Variants in ANKRD33B observed in about 807,000 individuals in gnomAD.
ANKRD33B encodes the protein ankyrin repeat domain 33B.
A neutral mutation model predicts 21.5 loss-of-function variants in ANKRD33B; 6 were observed. The ratio of observed to expected loss-of-function variants is 0.28; its 90% confidence interval spans 0.15 to 0.55. The LOEUF (loss-of-function observed/expected upper bound fraction) is 0.55, where lower values mean the gene tolerates loss of function less well. Ranked by LOEUF, ANKRD33B falls within the 20% of genes least tolerant of loss-of-function variation. ANKRD33B has a pLI of 0.94. For synonymous variants in ANKRD33B, 347 were observed against 342.4 expected (o/e 1.01, Z -0.15); for missense variants, 698 against 747.2 (o/e 0.93, Z 0.77).
At chr5:10,575,999 G>A (rs1735313974) in intron 1 of ANKRD33B, among the ~76,000 whole-genome samples, 2 of 145,390 alleles carry the variant, frequency 1.4e-5, no homozygotes, top group Non-Finnish European at 3.1e-5. Flanking sequence ...ACACACACAC[G>A]ATTGTGTGCA....
intron 3 of ANKRD33B, among the ~76,000 whole-genome samples, chr5:10,646,707 GC>G (rs555539348): frequency 3.9e-5 from 6 of 152,114 alleles, no homozygotes; most frequent in Admixed American, 6.5e-5. Context: ...CACTTTTACT[GC>G]CCCCTTTTCA....
At chr5:10,637,425 G>GACACACACACACACACACACACACACAC (rs59222148) in intron 2 of ANKRD33B, among the ~76,000 whole-genome samples, 5 of 100,392 alleles carry the variant, frequency 5.0e-5, no homozygotes, top group African/African-American at 2.2e-4. Context: ...TAGGTAGTTA[G>GACACACACACACACACACACACACACAC]ACACACACAC....
At chr5:10,590,667 C>T (rs1472860945) in intron 1 of ANKRD33B, among the ~76,000 whole-genome samples, 1 of 151,948 alleles carries the variant, frequency 6.6e-6, no homozygotes, top group African/African-American at 2.4e-5. Flanking sequence ...TATGTGTGGC[C>T]CAAGACAATT....
chr5:10,647,007 C>T (rs893665062), intron 3 of ANKRD33B, among the ~76,000 whole-genome samples: 9 of 152,190 alleles, frequency 5.9e-5, no homozygotes, highest in South Asian at 2.1e-4. Flanking sequence ...AAGCGTCTGT[C>T]GGGTCCGGTC....
chr5:10,573,767 G>C (rs551210406), intron 1 of ANKRD33B, among the ~76,000 whole-genome samples: 2 of 152,164 alleles, frequency 1.3e-5, no homozygotes, highest in Non-Finnish European at 2.9e-5. Context: ...ACTATCATGA[G>C]AACAGCAAGG....
At chr5:10,636,492 C>G (rs568850863) in intron 2 of ANKRD33B, among the ~76,000 whole-genome samples, 1 of 152,280 alleles carries the variant, frequency 6.6e-6, no homozygotes, top group African/African-American at 2.4e-5. Flanking sequence ...TGATGCTCGC[C>G]TGTGAGCCCA....
At chr5:10,580,378 A>G (rs975007500) in intron 1 of ANKRD33B, among the ~76,000 whole-genome samples, 2 of 152,152 alleles carry the variant, frequency 1.3e-5, no homozygotes, top group Non-Finnish European at 2.9e-5. Context: ...ACCCAGCCTC[A>G]CTTGGGACCT....
chr5:10,628,844 G>A (rs1736640989), intron 2 of ANKRD33B, among the ~76,000 whole-genome samples: 1 of 152,128 alleles, frequency 6.6e-6, no homozygotes, highest in Admixed American at 6.5e-5. Flanking sequence ...TGGGTCAAGG[G>A]GCACCAGGGA....
At position 10,586,485 on chromosome 5, in the gene ANKRD33B, CTGTGTGTGTGTGTGTGTGTGTG is replaced by C. The variant is rs55940283; in HGVS notation, c.366+21680_366+21701del. On this transcript the variant is annotated intron_variant, in intron 1 of 3. Coordinates refer to ENST00000296657, the MANE Select transcript of ANKRD33B (RefSeq NM_001164440.2). ...TACGATGTGCGTTGGGTTCTTGTAA[CTGTGTGTGTGTGTGTGTGTGTG>C]TGTGTGTGTGTGTGTGTGTGTGTGT... Among the ~76,000 whole-genome samples the C allele has an allele frequency of 3.1e-3, 442 of 140,512 alleles. 1 individual carries two copies. The highest frequency in any genetic ancestry group is 4.1e-3 in the Non-Finnish European group (265 of 64,472). The allele number at this position is 140,512 out of a possible 152,430, so 92.2% of individuals were successfully genotyped here. A position where few individuals can be genotyped will look rare whatever the true frequency, so the allele number is the denominator to read the frequency against.
chr5:10,636,137 G>A (rs577524425), intron 2 of ANKRD33B, among the ~76,000 whole-genome samples: 21 of 151,710 alleles, frequency 1.4e-4, no homozygotes, highest in African/African-American at 4.8e-4. Flanking sequence ...CTGGGCCCAG[G>A]GCCCGGCTTC....
rs539263144 is a variant in ANKRD33B at position 10,597,536 on chromosome 5, A to G, written c.367-20797A>G. 3.9e-5 allele frequency among the ~76,000 whole-genome samples: 6 copies of G among 152,358 alleles called. No homozygotes were observed. The South Asian group carries it at 1.2e-3, about 32-fold the overall frequency. On this transcript the variant is annotated intron_variant, in intron 1 of 3. Coordinates refer to ENST00000296657, the MANE Select transcript of ANKRD33B (RefSeq NM_001164440.2). ...ACCCAATACAGGGGCACCCAGATTC[A>G]TGAGGCAAATTTGTAGAGACCTACA...
At chr5:10,585,739 G>A (rs1286753030) in intron 1 of ANKRD33B, among the ~76,000 whole-genome samples, 1 of 152,202 alleles carries the variant, frequency 6.6e-6, no homozygotes, top group South Asian at 2.1e-4. Flanking sequence ...GCTGGGTGAG[G>A]GCGCTGTGCC....
At chr5:10,643,724 G>A (rs763534258) in intron 3 of ANKRD33B, among the ~76,000 whole-genome samples, 1 of 150,608 alleles carries the variant, frequency 6.6e-6, no homozygotes, top group Non-Finnish European at 1.5e-5. Context: ...GGAGGCTGAG[G>A]CAAGAGAATC....
intron 1 of ANKRD33B, among the ~76,000 whole-genome samples, chr5:10,568,094 A>AT (rs1251184444): frequency 2.6e-5 from 4 of 152,226 alleles, no homozygotes; most frequent in African/African-American, 9.6e-5. Context: ...AAGAAAATGC[A>AT]TTCTCTCCTG....
intron 1 of ANKRD33B, among the ~76,000 whole-genome samples, chr5:10,568,828 C>G (rs1189175733): frequency 4.6e-5 from 7 of 152,130 alleles, no homozygotes; most frequent in African/African-American, 1.7e-4. Context: ...GGCACCGCGC[C>G]TGCCCTGCTT....
Position 10,576,352 on chromosome 5 carries a change from C to A in ANKRD33B, c.366+11519C>A, listed in dbSNP as rs75058251. 6.6e-6 allele frequency among the ~76,000 whole-genome samples: 1 copy of A among 152,096 alleles called. No individual in the cohort carries two copies. Among genetic ancestry groups the A allele is most frequent in the African/African-American group, 2.4e-5 (1 of 41,396 alleles). On this transcript the variant is annotated intron_variant, in intron 1 of 3. Coordinates refer to ENST00000296657, the MANE Select transcript of ANKRD33B (RefSeq NM_001164440.2). This position sits in a 1 kb window ranked among gnomAD's most constrained non-coding sequence, Gnocchi z 4.1. ...GTTCATGGGCCAGCAGCGTTGGCAT[C>A]GCCTGGGAGCTTCTACCAAATGCAG... is the stretch of plus-strand genomic sequence containing the variant.
chr5:10,612,490 A>G (rs1030481548), intron 1 of ANKRD33B, among the ~76,000 whole-genome samples: 3 of 152,236 alleles, frequency 2.0e-5, no homozygotes, highest in Non-Finnish European at 4.4e-5. Flanking sequence ...GGATTTCAAC[A>G]TATGAATTTT....
At chr5:10,629,927 G>C (rs563710692) in intron 2 of ANKRD33B, among the ~76,000 whole-genome samples, 1 of 152,306 alleles carries the variant, frequency 6.6e-6, no homozygotes, top group South Asian at 2.1e-4. Context: ...ATTGTAAGAA[G>C]GTCACTGGGG....
intron 1 of ANKRD33B, among the ~76,000 whole-genome samples, chr5:10,581,122 G>GA (rs1213283687): frequency 6.6e-6 from 1 of 152,216 alleles, no homozygotes; most frequent in Non-Finnish European, 1.5e-5. Context: ...TGGGTGTCAT[G>GA]AAAGCATCTG....
Sources: gnomAD v4.1 joint callset for allele counts (sites outside exome capture counted in the v4.1 genomes callset) on GRCh38, gnomAD v4.1.1 for gene constraint, Gnocchi (gnomAD v3.1) non-coding constraint, MANE v1.5 for transcripts, NCBI Gene and HGNC (gene_info 2026-07-23, HGNC 2026-07-21) for gene names.